LRFN5: variants seen among roughly 807,000 people sequenced by gnomAD.
LRFN5 encodes leucine-rich repeat and fibronectin type-III domain-containing protein 5.
A neutral mutation model predicts 45.6 loss-of-function variants in LRFN5; 24 were observed. The observed-to-expected ratio is 0.53, with a 90% CI of 0.38 to 0.74. The LOEUF is 0.74. Among genes scored for constraint, LRFN5 ranks in the 30% least tolerant of loss-of-function variants. LRFN5 has a pLI of 0.00. For synonymous variants in LRFN5, 340 were observed against 313.8 expected (o/e 1.08, Z -0.88); for missense variants, 776 against 861.5 (o/e 0.90, Z 1.24).
chr14:41,757,875 G>C (rs1025577137), intron 1 of LRFN5, among the ~76,000 whole-genome samples: 1 of 152,136 alleles, frequency 6.6e-6, no homozygotes, highest in Admixed American at 6.5e-5. Flanking sequence ...GACTGGACCT[G>C]TTCCTATTCG....
chr14:41,892,709 A>G (rs1890825851), intron 4 of LRFN5: 1 of 985,358 alleles, frequency 1.0e-6, no homozygotes, highest in Non-Finnish European at 1.2e-6. Context: ...TCCTTGGTGC[A>G]GGTGCCTTAA....
chr14:41,694,776 G>T (rs1437543977), intron 1 of LRFN5, among the ~76,000 whole-genome samples: 2 of 151,670 alleles, frequency 1.3e-5, no homozygotes, highest in African/African-American at 4.8e-5. Context: ...GGGGATCTGT[G>T]GTCAATGATA....
chr14:41,668,820 C>T (rs1006620194), intron 1 of LRFN5, among the ~76,000 whole-genome samples: 2 of 152,048 alleles, frequency 1.3e-5, no homozygotes, highest in African/African-American at 4.8e-5. Context: ...AATAATGAAG[C>T]CAAGAACCCC....
chr14:41,851,892 C>T (rs1255739009), intron 2 of LRFN5, among the ~76,000 whole-genome samples: 2 of 151,318 alleles, frequency 1.3e-5, no homozygotes, highest in South Asian at 2.1e-4. Context: ...GAAATTAGGC[C>T]GTTTTATTAA....
At chr14:41,750,790 G>A (rs1166941764) in intron 1 of LRFN5, among the ~76,000 whole-genome samples, 5 of 152,090 alleles carry the variant, frequency 3.3e-5, no homozygotes, top group Non-Finnish European at 7.4e-5. Context: ...TCACAAGGTG[G>A]CAGAAGAGAG....
rs752275842 is a variant in LRFN5, at chr14:41,891,699, A to G, written c.1835A>G (p.Gln612Arg). ...AAAGCTACCAGTGACAATGTGATTCAATCTTCAGAAACTTGTTCGAGTCAG... is the reference window on the plus strand; with the variant it reads ...AAAGCTACCAGTGACAATGTGATTCGATCTTCAGAAACTTGTTCGAGTCAG... ...CCKATSDNVIQSSETCSSQDS... is the reference protein window; with the variant it reads ...CCKATSDNVIRSSETCSSQDS... Residue 612 changes from glutamine to arginine, a missense_variant, in exon 4 of 6, where the codon CAA becomes CGA. By Grantham distance (43) the Gln-to-Arg change is conservative (BLOSUM62 1). Coordinates refer to ENST00000298119, the MANE Select transcript of LRFN5 (RefSeq NM_152447.5). 2 of 1,614,216 alleles carry G rather than the reference A, an allele frequency of 1.2e-6. No individual in the cohort carries two copies. Among genetic ancestry groups the G allele is most frequent in the East Asian group, 2.2e-5 (1 of 44,878 alleles).
chr14:41,886,142 A>T (rs2224838), intron 2 of LRFN5, among the ~76,000 whole-genome samples: 104,703 of 151,944 alleles, frequency 0.69, 36,172 homozygotes, highest in Middle Eastern at 0.79. Context: ...CAAATATTGT[A>T]TTTTATTGTT....
rs72684598 is a variant in LRFN5 at position 41,685,632 on chromosome 14, A to C, written c.-197+77070A>C. On this transcript the variant is annotated intron_variant, in intron 1 of 5. Transcript: ENST00000298119. ...ACAGGTCTCTAATCCCTCTTGGGTT[A>C]ATTTTTGTATAAGCTGTAAGGAAGG... Among the ~76,000 whole-genome samples the C allele has an allele frequency of 6.3e-3, 960 of 152,224 alleles. 4 individuals carry two copies. The highest frequency in any genetic ancestry group is 0.024 in the South Asian group (115 of 4,828).
intron 2 of LRFN5, among the ~76,000 whole-genome samples, chr14:41,820,311 C>T (rs1053469888): frequency 3.2e-4 from 49 of 151,866 alleles, no homozygotes; most frequent in African/African-American, 1.2e-3. Context: ...AGATATGGAT[C>T]CAGTTTTATT....
chr14:41,792,832 G>A (rs534866655), intron 2 of LRFN5, among the ~76,000 whole-genome samples: 17 of 152,126 alleles, frequency 1.1e-4, no homozygotes, highest in Non-Finnish European at 2.1e-4. Context: ...TATATCCTCA[G>A]CTTACAAAGA....
chr14:41,757,594 A>G (rs1462634908), intron 1 of LRFN5, among the ~76,000 whole-genome samples: 1 of 152,204 alleles, frequency 6.6e-6, no homozygotes, highest in African/African-American at 2.4e-5. Flanking sequence ...CCATTTGCTA[A>G]TACCATTGGA....
intron 1 of LRFN5, among the ~76,000 whole-genome samples, chr14:41,696,069 C>A (rs1882596513): frequency 6.6e-6 from 1 of 151,894 alleles, no homozygotes; most frequent in Non-Finnish European, 1.5e-5. Context: ...TTGATTCCAA[C>A]TTTCATGGAC....
At chr14:41,834,003 T>A (rs1004806512) in intron 2 of LRFN5, among the ~76,000 whole-genome samples, 3 of 152,196 alleles carry the variant, frequency 2.0e-5, no homozygotes, top group Non-Finnish European at 4.4e-5. Flanking sequence ...ATAAATTGCC[T>A]ATTTTAGTGC....
chr14:41,728,524 AT>A (rs1884032098), intron 1 of LRFN5, among the ~76,000 whole-genome samples: 1 of 152,186 alleles, frequency 6.6e-6, no homozygotes, highest in Non-Finnish European at 1.5e-5. Context: ...CTGTCTTTTA[AT>A]AAAACAAGAG....
rs115043047 is a variant in LRFN5, at chr14:41,693,700, C to A, written c.-196-73154C>A. Among the ~76,000 whole-genome samples, 781 of 151,940 alleles carry A rather than the reference C, an allele frequency of 5.1e-3. 4 individuals carry two copies. The highest frequency in any genetic ancestry group is 0.017 in the African/African-American group (720 of 41,484). On this transcript the variant is annotated intron_variant, in intron 1 of 5. Coordinates refer to ENST00000298119, the MANE Select transcript of LRFN5 (RefSeq NM_152447.5). ...GGCTTCATAAAGGATTTTTTGAATG[C>A]CATTGTCATGTTTTCTGAGAATAAT...
At chr14:41,869,758 A>G (rs1262987676) in intron 2 of LRFN5, among the ~76,000 whole-genome samples, 1 of 152,060 alleles carries the variant, frequency 6.6e-6, no homozygotes, top group Admixed American at 6.6e-5. Context: ...TAAAACCATC[A>G]GATCTTGTGA....
chr14:41,643,874 C>T (rs1254240423), intron 1 of LRFN5, among the ~76,000 whole-genome samples: 1 of 152,086 alleles, frequency 6.6e-6, no homozygotes, highest in Non-Finnish European at 1.5e-5. Flanking sequence ...TACAATAAAC[C>T]ACTTCTGTTC....
chr14:41,823,170 A>T (rs1452933163), intron 2 of LRFN5, among the ~76,000 whole-genome samples: 1 of 152,008 alleles, frequency 6.6e-6, no homozygotes, highest in African/African-American at 2.4e-5. Context: ...TGTTTCTGTC[A>T]TAATGTTAAG....
chr14:41,699,646 T>G (rs1033207961), intron 1 of LRFN5: 1 of 152,106 alleles, frequency 6.6e-6, no homozygotes, highest in African/African-American at 2.4e-5. Flanking sequence ...TCCACATGCT[T>G]CACAAATGCG....
Sources: gnomAD v4.1 joint callset for allele counts (sites outside exome capture counted in the v4.1 genomes callset) on GRCh38, gnomAD v4.1.1 for gene constraint, MANE v1.5 for transcripts, NCBI Gene and HGNC (gene_info 2026-07-23, HGNC 2026-07-21) for gene names.